Variants in PTPRD observed in about 807,000 individuals in gnomAD.
PTPRD encodes the protein protein tyrosine phosphatase receptor type D.
PTPRD carries 34 observed loss-of-function variants against 214.5 expected under a neutral mutation model. That is an observed-to-expected ratio of 0.16 (90% CI 0.12 to 0.21). The LOEUF (loss-of-function observed/expected upper bound fraction) is 0.21. Among genes scored for constraint, PTPRD ranks in the 10% least tolerant of loss-of-function variants. The pLI, the probability that PTPRD is intolerant of heterozygous loss-of-function variation, is 1.00. For synonymous variants in PTPRD, 1,128 were observed against 845.7 expected (o/e 1.33, Z -5.79); for missense variants, 2,545 against 2,398.7 (o/e 1.06, Z -1.27).
intron 44 of PTPRD, among the ~76,000 whole-genome samples, chr9:8,329,663 T>G (rs1420296939): frequency 1.3e-5 from 2 of 152,118 alleles, no homozygotes; most frequent in Non-Finnish European, 2.9e-5. Flanking sequence ...GGGGGTTTTA[T>G]CTGTAAGTAA....
rs147280381 is a variant in PTPRD at position 8,599,684 on chromosome 9, C to T, written c.352+33633G>A. On this transcript the variant is annotated intron_variant, in intron 14 of 45. Transcript: ENST00000381196. The stretch of plus-strand genomic sequence containing the variant: ...TGTTGCCCAGGCTGGAGTGCAACGG[C>T]GCGATCACTGCAACCTCCGCCTCCT... Among the ~76,000 whole-genome samples, 356 of 137,754 alleles carry T rather than the reference C, an allele frequency of 2.6e-3. 4 individuals carry two copies. Among genetic ancestry groups the T allele is most frequent in the African/African-American group, 9.4e-3 (347 of 37,024 alleles). 90.4% of individuals were successfully genotyped at this position (137,754 alleles called of 152,430 possible). A position where few individuals can be genotyped will look rare whatever the true frequency, so the allele number is the denominator to read the frequency against.
intron 2 of PTPRD, among the ~76,000 whole-genome samples, chr9:10,469,018 G>C (rs889276048): frequency 6.6e-6 from 1 of 151,962 alleles, no homozygotes; most frequent in Non-Finnish European, 1.5e-5. Context: ...AAAACCTATA[G>C]TAAATAACAC....
At chr9:9,816,862 A>G (rs924726963) in intron 5 of PTPRD, among the ~76,000 whole-genome samples, 3 of 135,376 alleles carry the variant, frequency 2.2e-5, no homozygotes, top group Non-Finnish European at 4.6e-5. Flanking sequence ...GTTAATCACC[A>G]TTACACTAAG....
chr9:8,789,486 T>G, intron 11 of PTPRD, among the ~76,000 whole-genome samples: 1 of 152,208 alleles, frequency 6.6e-6, no homozygotes, highest in East Asian at 1.9e-4. Flanking sequence ...AATCTATTCC[T>G]AAGGCTGCAT....
intron 21 of PTPRD, among the ~76,000 whole-genome samples, chr9:8,509,406 G>C (rs1264677627): frequency 6.6e-6 from 1 of 152,136 alleles, no homozygotes; most frequent in African/African-American, 2.4e-5. Flanking sequence ...TATGTATGCA[G>C]TCACTGATTT....
At chr9:8,370,683 A>G (rs999205294) in intron 39 of PTPRD, among the ~76,000 whole-genome samples, 5 of 152,090 alleles carry the variant, frequency 3.3e-5, no homozygotes, top group African/African-American at 1.2e-4. Flanking sequence ...GGAGTGGCTC[A>G]TTCTGACCAG....
intron 9 of PTPRD, among the ~76,000 whole-genome samples, chr9:9,204,081 C>T (rs994666106): frequency 6.6e-6 from 1 of 152,158 alleles, no homozygotes; most frequent in Non-Finnish European, 1.5e-5. Flanking sequence ...ATACTGGCTG[C>T]ATTACTGCTA....
At chr9:8,815,046 C>G (rs1247369047) in intron 11 of PTPRD, among the ~76,000 whole-genome samples, 6 of 151,976 alleles carry the variant, frequency 3.9e-5, no homozygotes, top group Admixed American at 3.9e-4. Flanking sequence ...GGCTCCAATT[C>G]TGGCAGTGGA....
chr9:10,419,986 T>C (rs567865100), intron 2 of PTPRD, among the ~76,000 whole-genome samples: 2 of 151,982 alleles, frequency 1.3e-5, no homozygotes, highest in East Asian at 3.9e-4. Context: ...AGATTTATAA[T>C]TTATTGATTG....
intron 10 of PTPRD, among the ~76,000 whole-genome samples, chr9:9,158,695 G>A (rs984097376): frequency 1.3e-5 from 2 of 152,078 alleles, no homozygotes; most frequent in East Asian, 3.9e-4. Context: ...GGGAATACTT[G>A]TAATTTCATT....
intron 10 of PTPRD, among the ~76,000 whole-genome samples, chr9:9,058,923 T>C (rs1309056398): frequency 3.3e-5 from 5 of 152,106 alleles, no homozygotes; most frequent in South Asian, 2.1e-4. Flanking sequence ...AATACATTTA[T>C]AGTGGAATTT....
intron 7 of PTPRD, among the ~76,000 whole-genome samples, chr9:9,596,243 A>AT (rs2093343861): frequency 1.3e-5 from 2 of 151,982 alleles, no homozygotes; most frequent in Admixed American, 6.6e-5. Flanking sequence ...TTTAATGAAT[A>AT]TTTTGTGATA....
At chr9:10,019,089 A>G (rs1055409865) in intron 4 of PTPRD, among the ~76,000 whole-genome samples, 1 of 152,148 alleles carries the variant, frequency 6.6e-6, no homozygotes, top group African/African-American at 2.4e-5. Context: ...AAGAAAAAAC[A>G]AACAACCCCA....
chr9:10,323,864 A>G (rs1432801783), intron 3 of PTPRD, among the ~76,000 whole-genome samples: 1 of 152,060 alleles, frequency 6.6e-6, no homozygotes, highest in Non-Finnish European at 1.5e-5. Context: ...TGATCAGAAC[A>G]GCTACTCAGA....
rs140588271 is a variant in PTPRD, at chr9:9,299,459, T to C, written c.-203+97990A>G. Among the ~76,000 whole-genome samples, 262 of 151,852 alleles carry C rather than the reference T, an allele frequency of 1.7e-3. 1 individual carries two copies. Among genetic ancestry groups the C allele is most frequent in the African/African-American group, 6.1e-3 (254 of 41,508 alleles). The stretch of plus-strand genomic sequence containing the variant: ...AGATTTTTCCAGTGCACAATTTCAA[T>C]GGTGCTGGCTAGTGAGAAACTCTGA... On this transcript the variant is annotated intron_variant, in intron 9 of 45. Transcript: ENST00000381196.
intron 3 of PTPRD, among the ~76,000 whole-genome samples, chr9:10,117,247 G>C (rs1189634235): frequency 6.6e-6 from 1 of 152,054 alleles, no homozygotes; most frequent in Non-Finnish European, 1.5e-5. Context: ...CTACATAACA[G>C]TAAATTAGCC....
chr9:9,222,658 A>G (rs1235462678), intron 9 of PTPRD, among the ~76,000 whole-genome samples: 1 of 152,068 alleles, frequency 6.6e-6, no homozygotes, highest in Non-Finnish European at 1.5e-5. Context: ...GAATACAATT[A>G]TCTTTGCCAA....
intron 10 of PTPRD, among the ~76,000 whole-genome samples, chr9:9,120,843 C>T (rs573898467): frequency 2.0e-5 from 3 of 152,276 alleles, no homozygotes; most frequent in South Asian, 4.1e-4. Flanking sequence ...TAAGTCTAAA[C>T]GTTTCCAAGG....
At chr9:10,024,533 T>A (rs919437918) in intron 4 of PTPRD, among the ~76,000 whole-genome samples, 3 of 152,184 alleles carry the variant, frequency 2.0e-5, no homozygotes, top group Non-Finnish European at 4.4e-5. Flanking sequence ...ATGTCCTAAT[T>A]CACTAGTCTC....
Sources: allele counts gnomAD v4.1 joint callset (sites outside exome capture counted in the v4.1 genomes callset), GRCh38; gene constraint gnomAD v4.1.1; transcripts MANE v1.5; gene names NCBI Gene and HGNC (gene_info 2026-07-23, HGNC 2026-07-21).